The following PHRF1 variants were observed in gnomAD, a reference collection of about 807,000 sequenced individuals.
The protein encoded by PHRF1 is PHD and RING finger domain-containing protein 1.
A neutral mutation model predicts 128.9 loss-of-function variants in PHRF1; 53 were observed. The observed-to-expected ratio is 0.41, with a 90% CI of 0.33 to 0.52. The LOEUF (loss-of-function observed/expected upper bound fraction) is 0.52. PHRF1 is among the 20% of genes least tolerant of loss of function. The pLI is 0.21. For synonymous variants in PHRF1, 1,178 were observed against 980.6 expected, an observed-to-expected ratio of 1.20 and a Z score of -3.76; for missense variants, 2,503 against 2,284.5, an observed-to-expected ratio of 1.10 and a Z score of -1.95.
At position 592,566 on chromosome 11, in the gene PHRF1, T is replaced by G; in HGVS notation, c.512T>G (p.Val171Gly). The G allele has an allele frequency of 6.2e-7, 1 of 1,614,040 alleles. No homozygotes were observed. The change falls in exon 6 of 18, where the codon GTG becomes GGG. Residue 171 changes from valine (V) to glycine (G), a missense_variant. Transcript: ENST00000264555. Reference sequence around the variant, plus strand: ...CCGACGATTCTGTCCTAGATCCCAGTGGAGAACACCAAAGCGAGCGAGGAG... The same window carrying G: ...CCGACGATTCTGTCCTAGATCCCAGGGGAGAACACCAAAGCGAGCGAGGAG... ...FGGKILRKIP[V>G]ENTKASEEEE...
intron 10 of PHRF1, among the ~76,000 whole-genome samples, chr11:603,320 GTTGT>G (rs914603423): frequency 2.0e-5 from 3 of 152,120 alleles, no homozygotes; most frequent in Non-Finnish European, 2.9e-5. Context: ...CTCACAAAGT[GTTGT>G]TTGTTTGTTT....
chr11:584,324 C>G (rs1854394809), intron 3 of PHRF1, among the ~76,000 whole-genome samples: 1 of 152,222 alleles, frequency 6.6e-6, no homozygotes, highest in Non-Finnish European at 1.5e-5. Flanking sequence ...ATCCTGAGGG[C>G]ACATTGGATG....
Position 609,509 on chromosome 11 carries a change from G to A in PHRF1, c.4053G>A (p.Ala1351=), listed in dbSNP as rs544111140. The change falls in exon 14 of 18, where the codon GCG becomes GCA. Residue 1351 remains alanine (A), a synonymous_variant. Transcript: ENST00000264555. ...AGCCACATTTGCTCAGGCCGGACGCGGCTGAGAAGGCTGAGGCACCCAGTT... is the reference window on the plus strand; with the variant it reads ...AGCCACATTTGCTCAGGCCGGACGCAGCTGAGAAGGCTGAGGCACCCAGTT... ...TQEPHLLRPD[A]AEKAEAPSSP... is the part of the protein sequence containing the mutation. 2.8e-5 allele frequency: 45 copies of A among 1,601,154 alleles called. No individual in the cohort carries two copies. The highest frequency in any genetic ancestry group is 5.6e-5 in the South Asian group (5 of 90,080).
chr11:604,464 CAG>C (rs1361342743), intron 10 of PHRF1, among the ~76,000 whole-genome samples: 2 of 152,212 alleles, frequency 1.3e-5, no homozygotes, highest in African/African-American at 4.8e-5. Context: ...GGAATAATGA[CAG>C]CGCTTAAAAT....
chr11:580,033 T>C (rs1197521623), intron 1 of PHRF1, among the ~76,000 whole-genome samples: 2 of 152,196 alleles, frequency 1.3e-5, no homozygotes, highest in African/African-American at 4.8e-5. Flanking sequence ...AAGGAGGCCC[T>C]GAACTCGAGG....
At chr11:601,831 C>A in intron 10 of PHRF1, 130 bp downstream of exon 10, 1 of 1,183,704 alleles carries the variant, frequency 8.4e-7, no homozygotes, top group Non-Finnish European at 1.2e-6. Flanking sequence ...TCATCATCGT[C>A]TTTGCTTTTC....
At position 582,196 on chromosome 11, in the gene PHRF1, C is replaced by T. The variant is rs529684421; in HGVS notation, c.214+115C>T. On this transcript the variant is annotated intron_variant, in intron 3 of 17. Coordinates refer to ENST00000264555, the MANE Select transcript of PHRF1 (RefSeq NM_001286581.2). Reference sequence around the variant, plus strand: ...GTCACCACAGCTGGCCATGTCCCTGCGGTCACCTACGGTGAGGCCTTATAT... The same window carrying T: ...GTCACCACAGCTGGCCATGTCCCTGTGGTCACCTACGGTGAGGCCTTATAT... 4.1e-5 allele frequency: 60 copies of T among 1,460,014 alleles called. No homozygotes were observed. The Admixed American group carries it at 1.2e-3, about 29-fold the overall frequency. The allele number at this position is 1,460,014 out of a possible 1,614,324, so 90.4% of individuals were successfully genotyped here.
In PHRF1 at chr11:608,434, C is replaced by T. The variant is rs1490810610; in HGVS notation, c.2978C>T (p.Ser993Phe). The change falls in exon 14 of 18, where the codon TCC (serine) becomes TTC (phenylalanine). Residue 993 changes from serine (S) to phenylalanine (F), a missense_variant. Ser to Phe is a radical substitution (Grantham distance 155). Coordinates refer to ENST00000264555, the MANE Select transcript of PHRF1 (RefSeq NM_001286581.2). ...RVVELRPPSR[S>F]RSTSSSRSRK... ...GTGGAGCTCAGGCCCCCTTCCCGGT[C>T]CCGCTCCACATCCAGCTCCCGCAGC... 4 of 1,612,182 alleles carry T rather than the reference C, an allele frequency of 2.5e-6. No homozygotes were observed. Among genetic ancestry groups the T allele is most frequent in the South Asian group, 1.1e-5 (1 of 91,022 alleles).
rs1856228289 is a variant in PHRF1 at position 609,633 on chromosome 11, C to T, written c.4177C>T (p.Leu1393=). 4 of 1,578,898 alleles carry T rather than the reference C, an allele frequency of 2.5e-6. No individual in the cohort carries two copies. Among genetic ancestry groups the T allele is most frequent in the African/African-American group, 2.7e-5 (2 of 74,206 alleles). ...RPEEVVSQTP[L]LRSRALVKRV... ...TGAGGAGGTGGTTTCGCAGACCCCC[C>T]TGCTGCGGTCCAGAGCCCTGGTGAA... Residue 1393 remains leucine (L), a synonymous_variant, in exon 14 of 18, where the codon CTG becomes TTG. Transcript: ENST00000264555.
At chr11:583,101 G>A (rs1236692798) in intron 3 of PHRF1, among the ~76,000 whole-genome samples, 1 of 151,562 alleles carries the variant, frequency 6.6e-6, no homozygotes, top group Non-Finnish European at 1.5e-5. Flanking sequence ...AGCACTTTGG[G>A]AGGCCGAGGC....
intron 4 of PHRF1, 80 bp downstream of exon 4, chr11:587,544 T>C (rs1384395470): frequency 7.0e-7 from 1 of 1,421,230 alleles, no homozygotes; most frequent in Non-Finnish European, 9.8e-7. Context: ...GTGTTCAGCC[T>C]CTTGTGAGGT....
intron 4 of PHRF1, among the ~76,000 whole-genome samples, chr11:591,083 G>A (rs10902177): frequency 0.85 from 129,431 of 152,246 alleles, 55,135 homozygotes; most frequent in Middle Eastern, 0.89. Flanking sequence ...GAACAGGCTC[G>A]CCGCAGAGGG....
chr11:576,794 C>CGTGGCCTGCGGGCGGA (rs1853870357), intron 1 of PHRF1, among the ~76,000 whole-genome samples: 1 of 100,626 alleles, frequency 9.9e-6, no homozygotes, highest in Non-Finnish European at 2.3e-5. Context: ...CTGGGAGGCC[C>CGTGGCCTGCGGGCGGA]CGCCGAGACT....
At chr11:577,006 A>G (rs1853896869) in intron 1 of PHRF1, among the ~76,000 whole-genome samples, 1 of 152,068 alleles carries the variant, frequency 6.6e-6, no homozygotes, top group African/African-American at 2.4e-5. Flanking sequence ...ACCCACGCCC[A>G]TGCCCCCTGC....
chr11:583,482 A>C (rs528588000), intron 3 of PHRF1, among the ~76,000 whole-genome samples: 2 of 152,172 alleles, frequency 1.3e-5, no homozygotes, highest in Non-Finnish European at 2.9e-5. Flanking sequence ...ACGCCACCAC[A>C]CTCCAGCCTG....
chr11:602,720 A>G (rs144569915), intron 10 of PHRF1, among the ~76,000 whole-genome samples: 74 of 151,474 alleles, frequency 4.9e-4, no homozygotes, highest in Non-Finnish European at 9.6e-4. Context: ...AGTTGCAGCC[A>G]TTGTTCAAGT....
chr11:585,822 A>G (rs1854518085), intron 3 of PHRF1, among the ~76,000 whole-genome samples: 1 of 151,460 alleles, frequency 6.6e-6, no homozygotes, highest in Non-Finnish European at 1.5e-5. Context: ...CTGGGACTAT[A>G]GGCACCTGCC....
rs745882774 is a variant in PHRF1, at chr11:587,423, G to A, written c.379G>A (p.Ala127Thr). ...GGCCGTGGGGACGCCGGAGAACTGT[G>A]CCCATTACTTCTGCCTGGACTGCAT... ...DQAVGTPENC[A>T]HYFCLDCIVE... The change falls in exon 4 of 18, where the codon GCC (alanine) becomes ACC (threonine). Residue 127 changes from alanine (A) to threonine (T), a missense_variant. Transcript: ENST00000264555. The A allele has an allele frequency of 1.7e-5, 27 of 1,613,642 alleles. No homozygotes were observed. In the East Asian group the frequency reaches 5.6e-4, roughly 33 times the overall value.
chr11:596,651 CT>C (rs1161675333), intron 6 of PHRF1, among the ~76,000 whole-genome samples: 3 of 152,356 alleles, frequency 2.0e-5, no homozygotes, highest in African/African-American at 7.2e-5. Flanking sequence ...CCCTTCCTGA[CT>C]TACAGACGGC....
Sources: gnomAD v4.1 joint callset for allele counts (sites outside exome capture counted in the v4.1 genomes callset) on GRCh38, gnomAD v4.1.1 for gene constraint, MANE v1.5 for transcripts, NCBI Gene and HGNC (gene_info 2026-07-23, HGNC 2026-07-21) for gene names.